FMN2: variants seen among roughly 807,000 people sequenced by gnomAD.
FMN2 encodes the protein formin-2.
FMN2 carries 51 observed loss-of-function variants against 142.3 expected under a neutral mutation model. The ratio of observed to expected loss-of-function variants is 0.36; its 90% CI spans 0.29 to 0.45. The LOEUF (loss-of-function observed/expected upper bound fraction) is 0.45. FMN2 is among the 20% of genes least tolerant of loss of function. FMN2 has a pLI of 1.00. For missense variants in FMN2, 1,936 were observed against 2,122.8 expected (o/e 0.91, Z 1.73); for synonymous variants, 882 against 869.8 (o/e 1.01, Z -0.25).
intron 14 of FMN2, among the ~76,000 whole-genome samples, chr1:240,381,595 A>G (rs2103082444): frequency 6.6e-6 from 1 of 151,920 alleles, no homozygotes; most frequent in East Asian, 1.9e-4. Context: ...ATGCCCAACT[A>G]ATTTTTGTAT....
At chr1:240,434,404 G>C (rs1009634932) in intron 15 of FMN2, among the ~76,000 whole-genome samples, 1 of 152,056 alleles carries the variant, frequency 6.6e-6, no homozygotes, top group African/African-American at 2.4e-5. Flanking sequence ...TCTCTTTCGT[G>C]TTATGCAAGT....
At chr1:240,234,209 C>T (rs192710697) in intron 6 of FMN2, among the ~76,000 whole-genome samples, 3 of 152,146 alleles carry the variant, frequency 2.0e-5, no homozygotes, top group Admixed American at 1.3e-4. Flanking sequence ...AGAAAAAATT[C>T]GAAGAAATTA....
intron 2 of FMN2, among the ~76,000 whole-genome samples, chr1:240,155,894 C>T (rs1458077552): frequency 2.3e-4 from 32 of 136,344 alleles, no homozygotes; most frequent in Middle Eastern, 4.0e-3. Flanking sequence ...AAATTAGATA[C>T]TTTTTTTTTT....
chr1:240,113,480 C>A (rs112336785), intron 1 of FMN2, among the ~76,000 whole-genome samples: 5,102 of 147,424 alleles, frequency 0.035, 286 homozygotes, highest in African/African-American at 0.12. Context: ...ATCGCTTGAA[C>A]CGGGGAGGCA....
At chr1:240,283,072 T>A (rs1669455965) in intron 7 of FMN2, among the ~76,000 whole-genome samples, 1 of 152,188 alleles carries the variant, frequency 6.6e-6, no homozygotes, top group South Asian at 2.1e-4. Flanking sequence ...AAGGTTTCTA[T>A]GCTTTATTGA....
Position 240,207,048 on chromosome 1 carries a change from A to C in FMN2, c.2236A>C (p.Thr746Pro). 1.9e-6 allele frequency: 3 copies of C among 1,614,112 alleles called. No individual in the cohort carries two copies. Among genetic ancestry groups the C allele is most frequent in the Non-Finnish European group, 2.5e-6 (3 of 1,179,998 alleles). ...GATTTTAGAGGCGAAATCGATACAG[A>C]CTTCCCCCACGGAAGAGGGCGGGGT... ...HRILEAKSIQTSPTEEGGVLT... is the reference protein window; with the variant it reads ...HRILEAKSIQPSPTEEGGVLT... The change falls in exon 5 of 18, where the codon ACT becomes CCT. Residue 746 changes from threonine to proline, a missense_variant. Coordinates refer to ENST00000319653, the MANE Select transcript of FMN2 (RefSeq NM_020066.5).
At chr1:240,144,501 G>C in intron 2 of FMN2, 1 of 1,531,208 alleles carries the variant, frequency 6.5e-7, no homozygotes, top group African/African-American at 1.4e-5. Flanking sequence ...AATGCCATCT[G>C]TTTCTGTACT....
rs192753324 is a variant in FMN2, at chr1:240,162,154, G to A, written c.1783-15767G>A. On this transcript the variant is annotated intron_variant, in intron 2 of 17. Transcript: ENST00000319653. ...TTCAAAAAAAAAAAAACAAAAAATT[G>A]TCAAAAGAAATTATGAAGAAAGCAA... is the stretch of plus-strand genomic sequence containing the variant. Among the ~76,000 whole-genome samples, 37 of 148,156 alleles carry A rather than the reference G, an allele frequency of 2.5e-4. No homozygotes were observed. In the East Asian group the frequency reaches 5.4e-3, roughly 21 times the overall value.
chr1:240,357,365 G>T (rs1472123850), intron 14 of FMN2, among the ~76,000 whole-genome samples: 1 of 152,134 alleles, frequency 6.6e-6, no homozygotes, highest in African/African-American at 2.4e-5. Context: ...CAGGCATTGA[G>T]ACTAGTGTTT....
At chr1:240,436,914 C>T (rs371190955) in intron 15 of FMN2, among the ~76,000 whole-genome samples, 1 of 152,070 alleles carries the variant, frequency 6.6e-6, no homozygotes, top group Non-Finnish European at 1.5e-5. Flanking sequence ...AGTGCTGGCC[C>T]CAGGCCAGAG....
At position 240,377,547 on chromosome 1, in the gene FMN2, T is replaced by C. The variant is rs113608188; in HGVS notation, c.4859-14964T>C. Among the ~76,000 whole-genome samples the C allele has an allele frequency of 7.0e-3, 1,064 of 152,244 alleles. 18 individuals carry two copies. The highest frequency in any genetic ancestry group is 0.024 in the African/African-American group (1,009 of 41,528). The stretch of plus-strand genomic sequence containing the variant: ...TTCTGGAGTATCTAGGGGATACATT[T>C]CTTTGCCTTTTTTTAGACTCTAGAA... On this transcript the variant is annotated intron_variant, in intron 14 of 17. Transcript: ENST00000319653.
chr1:240,121,183 G>A (rs1358654813), intron 1 of FMN2, among the ~76,000 whole-genome samples: 1 of 151,700 alleles, frequency 6.6e-6, no homozygotes, highest in Non-Finnish European at 1.5e-5. Context: ...AAAAATTAAG[G>A]CCTATAGCTA....
rs111589733 is a variant in FMN2, at chr1:240,175,001, T to C, written c.1783-2920T>C. Among the ~76,000 whole-genome samples, 1,154 of 152,234 alleles carry C rather than the reference T, an allele frequency of 7.6e-3. 14 individuals are homozygous for C. Among genetic ancestry groups the C allele is most frequent in the South Asian group, 0.026 (127 of 4,822 alleles). ...AACTTCCTATCCCCCATCTCTCCAA[T>C]CCGGGCAACCACCATTTGACTTTCT... On this transcript the variant is annotated intron_variant, in intron 2 of 17. Coordinates refer to ENST00000319653, the MANE Select transcript of FMN2 (RefSeq NM_020066.5).
At chr1:240,230,123 C>G (rs1667487418) in intron 6 of FMN2, among the ~76,000 whole-genome samples, 1 of 129,924 alleles carries the variant, frequency 7.7e-6, no homozygotes, top group Non-Finnish European at 1.6e-5. Context: ...TGAGACCAGC[C>G]TGGGAAACAC....
chr1:240,205,379 C>G lies in FMN2; in HGVS notation c.1987-1420C>G, dbSNP rs185104559. 3.9e-3 allele frequency among the ~76,000 whole-genome samples: 592 copies of G among 151,586 alleles called. 6 individuals are homozygous for G. Among genetic ancestry groups the G allele is most frequent in the African/African-American group, 0.014 (559 of 41,310 alleles). On this transcript the variant is annotated intron_variant, in intron 4 of 17. Coordinates refer to ENST00000319653, the MANE Select transcript of FMN2 (RefSeq NM_020066.5). ...TATGTTTGTTTGTCTTCCTTTCTCTCTATCAATTCCTTCTTCCTCTCTTTT... is the reference window on the plus strand; with the variant it reads ...TATGTTTGTTTGTCTTCCTTTCTCTGTATCAATTCCTTCTTCCTCTCTTTT...
At chr1:240,116,928 C>T (rs564378962) in intron 1 of FMN2, among the ~76,000 whole-genome samples, 26 of 151,640 alleles carry the variant, frequency 1.7e-4, no homozygotes, top group Non-Finnish European at 1.0e-4. Context: ...GAAATGGAAT[C>T]GTAGCTGGGA....
intron 7 of FMN2, 65 bp downstream of exon 7, chr1:240,258,097 G>A: frequency 1.6e-6 from 2 of 1,224,614 alleles, no homozygotes; most frequent in African/African-American, 1.5e-5. Flanking sequence ...TATGATGTTT[G>A]TTGGTAATGT....
chr1:240,270,237 G>A (rs1668954215), intron 7 of FMN2, among the ~76,000 whole-genome samples: 1 of 152,114 alleles, frequency 6.6e-6, no homozygotes, highest in East Asian at 1.9e-4. Context: ...TTTTTATCAT[G>A]AAACGAGTTT....
At chr1:240,137,132 G>A (rs899166835) in intron 2 of FMN2, among the ~76,000 whole-genome samples, 1 of 149,014 alleles carries the variant, frequency 6.7e-6, no homozygotes, top group Admixed American at 6.7e-5. Context: ...CCTGTACAGA[G>A]AAAACATGAC....
Sources: gnomAD v4.1 joint callset for allele counts (sites outside exome capture counted in the v4.1 genomes callset) on GRCh38, gnomAD v4.1.1 for gene constraint, MANE v1.5 for transcripts, NCBI Gene and HGNC (gene_info 2026-07-23, HGNC 2026-07-21) for gene names.